Variants in CYYR1 observed in about 807,000 individuals in gnomAD.
The protein encoded by CYYR1 is cysteine and tyrosine-rich protein 1.
CYYR1 carries 14 observed loss-of-function variants against 15.2 expected under a neutral mutation model. That is an observed-to-expected ratio of 0.92 (90% CI 0.61 to 1.44). CYYR1 has a LOEUF of 1.44. Among genes scored for constraint, CYYR1 ranks in the 40% most tolerant of loss-of-function variants. The probability of loss-of-function intolerance (pLI) is 0.00; values close to 1 mark genes in which losing one functional copy is unlikely to be tolerated. For missense variants in CYYR1, 228 were observed against 209.5 expected (o/e 1.09, Z -0.54); for synonymous variants, 80 against 77.4 (o/e 1.03, Z -0.18).
At chr21:26,506,984 C>T (rs988613604) in intron 2 of CYYR1, among the ~76,000 whole-genome samples, 5 of 152,162 alleles carry the variant, frequency 3.3e-5, no homozygotes, top group African/African-American at 7.2e-5. Flanking sequence ...TTTTTCCACT[C>T]ACTGCATGAA....
intron 1 of CYYR1, among the ~76,000 whole-genome samples, chr21:26,571,075 T>C (rs1216963528): frequency 1.3e-5 from 2 of 152,206 alleles, no homozygotes; most frequent in Non-Finnish European, 2.9e-5. Context: ...TGATTTTACC[T>C]CTCCTATGAC....
rs1386179399 is a variant in CYYR1, at chr21:26,467,606, T to G, written c.*895A>C. On this transcript the variant is annotated 3_prime_UTR_variant, in exon 4 of 4. Coordinates refer to ENST00000652641, the MANE Select transcript of CYYR1 (RefSeq NM_001320768.2). ...TTGGAAGTGAAGTGTCTGCTACCTG[T>G]GGAACTTGATACAATTTTTTTTTTC... 1 of 152,166 alleles carries G rather than the reference T, an allele frequency of 6.6e-6. No homozygotes were observed. Among genetic ancestry groups the G allele is most frequent in the Non-Finnish European group, 1.5e-5 (1 of 68,028 alleles). 9.4% of individuals were successfully genotyped at this position (152,166 alleles called of 1,614,324 possible).
chr21:26,522,071 C>T (rs560802658), intron 2 of CYYR1, among the ~76,000 whole-genome samples: 6 of 152,312 alleles, frequency 3.9e-5, no homozygotes, highest in South Asian at 2.1e-4. Flanking sequence ...GTCAAAACTA[C>T]GTGCCTTCTT....
intron 2 of CYYR1, among the ~76,000 whole-genome samples, chr21:26,520,728 C>G (rs1468170013): frequency 1.3e-5 from 2 of 152,170 alleles, no homozygotes; most frequent in African/African-American, 4.8e-5. Flanking sequence ...TCTCCACAGC[C>G]TTGCCAGCAT....
At chr21:26,566,857 A>T (rs1304816954) in intron 1 of CYYR1, among the ~76,000 whole-genome samples, 1 of 152,036 alleles carries the variant, frequency 6.6e-6, no homozygotes, top group Non-Finnish European at 1.5e-5. Context: ...AAAAATACAA[A>T]AAGTAGCTGG....
chr21:26,570,348 G>T (rs76763393), intron 1 of CYYR1, among the ~76,000 whole-genome samples: 2,567 of 152,248 alleles, frequency 0.017, 33 homozygotes, highest in Middle Eastern at 0.037. Context: ...TAAGGAATGC[G>T]CAGAACAGGA....
chr21:26,489,053 G>A (rs1368257057), intron 2 of CYYR1, among the ~76,000 whole-genome samples: 1 of 152,092 alleles, frequency 6.6e-6, no homozygotes, highest in African/African-American at 2.4e-5. Flanking sequence ...ATGTGGAAAT[G>A]GCAGTTTTAA....
intron 2 of CYYR1, among the ~76,000 whole-genome samples, chr21:26,495,405 T>C (rs1601750877): frequency 6.6e-6 from 1 of 152,196 alleles, no homozygotes; most frequent in Non-Finnish European, 1.5e-5. Flanking sequence ...AGAAGGGCCA[T>C]GTGACTAACT....
At chr21:26,559,636 T>A (rs2123710471) in intron 2 of CYYR1, among the ~76,000 whole-genome samples, 1 of 152,292 alleles carries the variant, frequency 6.6e-6, no homozygotes, top group South Asian at 2.1e-4. Flanking sequence ...GATTTTTTAT[T>A]GTGGAGTGAT....
In CYYR1 at chr21:26,478,160, ACAAT is replaced by A. The variant is rs576122056; in HGVS notation, c.334+2108_334+2111del. On this transcript the variant is annotated intron_variant, in intron 3 of 3. Transcript: ENST00000652641. The stretch of plus-strand genomic sequence containing the variant: ...TCTAGGAAGAGGAAATGAACAATAA[ACAAT>A]CAACATAATGATTAGCTAAACTATA... 5 of 1,548,808 alleles carry A rather than the reference ACAAT, an allele frequency of 3.2e-6. No individual in the cohort carries two copies. The South Asian group carries it at 3.6e-5, about 11-fold the overall frequency.
intron 2 of CYYR1, among the ~76,000 whole-genome samples, chr21:26,565,798 C>A (rs1980574579): frequency 6.6e-6 from 1 of 152,186 alleles, no homozygotes; most frequent in African/African-American, 2.4e-5. Flanking sequence ...TGAGAACTGA[C>A]ATTTCATGTC....
At chr21:26,479,903 T>C (rs750636353) in intron 3 of CYYR1, among the ~76,000 whole-genome samples, 1 of 152,180 alleles carries the variant, frequency 6.6e-6, no homozygotes, top group Non-Finnish European at 1.5e-5. Flanking sequence ...TCAAGACATA[T>C]ATATCTATTG....
At chr21:26,543,478 G>A (rs1021742741) in intron 2 of CYYR1, among the ~76,000 whole-genome samples, 34 of 152,112 alleles carry the variant, frequency 2.2e-4, no homozygotes, top group African/African-American at 7.7e-4. Context: ...TCAAAGAATG[G>A]CACCCACATG....
At position 26,496,600 on chromosome 21, in the gene CYYR1, A is replaced by T. The variant is rs184683349; in HGVS notation, c.177-16171T>A. Among the ~76,000 whole-genome samples, 423 of 152,314 alleles carry T rather than the reference A, an allele frequency of 2.8e-3. 3 individuals are homozygous for T. Among genetic ancestry groups the T allele is most frequent in the Admixed American group, 7.2e-3 (110 of 15,294 alleles). ...AGTAAACCTTAACAAGATGTTACAG[A>T]AATAGAGACACTGAACAATTGCTGG... On this transcript the variant is annotated intron_variant, in intron 2 of 3. Coordinates refer to ENST00000652641, the MANE Select transcript of CYYR1 (RefSeq NM_001320768.2).
intron 1 of CYYR1, among the ~76,000 whole-genome samples, chr21:26,570,988 A>T (rs1044003357): frequency 6.6e-6 from 1 of 152,196 alleles, no homozygotes; most frequent in Admixed American, 6.5e-5. Flanking sequence ...TTTGCTGAAC[A>T]AAATAGACAT....
intron 2 of CYYR1, among the ~76,000 whole-genome samples, chr21:26,516,121 T>C (rs2065724198): frequency 6.6e-6 from 1 of 152,204 alleles, no homozygotes; most frequent in Non-Finnish European, 1.5e-5. Context: ...ACTAGGTTAT[T>C]TGGTGTATAA....
At chr21:26,493,219 G>C (rs1229110348) in intron 2 of CYYR1, among the ~76,000 whole-genome samples, 1 of 152,114 alleles carries the variant, frequency 6.6e-6, no homozygotes, top group African/African-American at 2.4e-5. Flanking sequence ...GATAAGGAAC[G>C]TCTTTAATAA....
intron 2 of CYYR1, among the ~76,000 whole-genome samples, chr21:26,495,313 G>T (rs1326324845): frequency 6.6e-6 from 1 of 152,178 alleles, no homozygotes; most frequent in South Asian, 2.1e-4. Context: ...AATCAAGTGA[G>T]TGCTAGCAGC....
chr21:26,552,869 C>T (rs1171844516), intron 2 of CYYR1, among the ~76,000 whole-genome samples: 3 of 152,096 alleles, frequency 2.0e-5, no homozygotes, highest in Non-Finnish European at 4.4e-5. Flanking sequence ...ATTAAATAGT[C>T]GATTGCATTT....
Sources: gnomAD v4.1 joint callset for allele counts (sites outside exome capture counted in the v4.1 genomes callset) on GRCh38, gnomAD v4.1.1 for gene constraint, MANE v1.5 for transcripts, NCBI Gene and HGNC (gene_info 2026-07-23, HGNC 2026-07-21) for gene names.